The following NIN variants were observed in gnomAD, a reference collection of about 807,000 sequenced individuals.
NIN encodes glycogen synthase kinase 3 beta-interacting protein.
A neutral mutation model predicts 257.6 loss-of-function variants in NIN; 137 were observed. The observed-to-expected ratio is 0.53, with a 90% CI of 0.46 to 0.61. NIN has a LOEUF of 0.61. NIN is among the 20% of genes least tolerant of loss of function. The pLI is 0.00. For synonymous variants in NIN, 918 were observed against 919.8 expected, an observed-to-expected ratio of 1.00 and a Z score of 0.04; for missense variants, 2,439 against 2,501.2, an observed-to-expected ratio of 0.98 and a Z score of 0.53.
intron 16 of NIN, among the ~76,000 whole-genome samples, chr14:50,760,998 TATTA>T (rs1395106354): frequency 6.6e-6 from 1 of 152,116 alleles, no homozygotes; most frequent in Non-Finnish European, 1.5e-5. Context: ...TAAATTCAAA[TATTA>T]ATTGAACACC....
Position 50,760,105 on chromosome 14 carries a change from C to T in NIN, c.2151G>A (p.Glu717=), listed in dbSNP as rs754794799. The change falls in exon 17 of 31, where the codon GAG becomes GAA. Residue 717 remains glutamate, a synonymous_variant. Coordinates refer to ENST00000530997, the MANE Select transcript of NIN (RefSeq NM_020921.4). ...CCATCTCATGTTGCAGCCTCAGCTT[C>T]TCCTGCAGGTGAGTCTTTTCCTCCT... The part of the protein sequence containing the change: ...KLEEEKTHLQ[E]KLRLQHEMEL... 2 of 1,614,216 alleles carry T rather than the reference C, an allele frequency of 1.2e-6. No individual in the cohort carries two copies. The highest frequency in any genetic ancestry group is 2.2e-5 in the South Asian group (2 of 91,086).
chr14:50,727,594 TCTTAG>T, intron 29 of NIN: 1 of 1,400,256 alleles, frequency 7.1e-7, no homozygotes, highest in African/African-American at 1.4e-5. Context: ...TTCCAACATA[TCTTAG>T]CTTATGTCTC....
Position 50,792,706 on chromosome 14 carries a change from C to G in NIN, c.435+6G>C. 6.2e-7 allele frequency: 1 copy of G among 1,614,140 alleles called. No individual in the cohort carries two copies. The highest frequency in any genetic ancestry group is 8.5e-7 in the Non-Finnish European group (1 of 1,180,010). The stretch of plus-strand genomic sequence containing the variant: ...TCCAGATGAACGTGCATGCCCGATT[C>G]CTTACCTCACTGCAGTCACCGGCTG... On this transcript the variant is annotated splice_donor_region_variant and intron_variant, in intron 5 of 30. Transcript: ENST00000530997.
intron 7 of NIN, among the ~76,000 whole-genome samples, chr14:50,773,956 C>A (rs943459543): frequency 6.6e-6 from 1 of 152,202 alleles, no homozygotes; most frequent in Non-Finnish European, 1.5e-5. Context: ...GCAAAGCCCT[C>A]CCACTAGCAG....
At chr14:50,826,950 G>C (rs1240622615) in intron 2 of NIN, among the ~76,000 whole-genome samples, 1 of 152,174 alleles carries the variant, frequency 6.6e-6, no homozygotes, top group African/African-American at 2.4e-5. Context: ...AGACTAGGCA[G>C]TGACCACCAG....
At chr14:50,780,027 G>C in intron 5 of NIN, among the ~76,000 whole-genome samples, 1 of 152,186 alleles carries the variant, frequency 6.6e-6, no homozygotes, top group East Asian at 1.9e-4. Context: ...TTTGTGTACT[G>C]CATAAAAGTG....
intron 29 of NIN, among the ~76,000 whole-genome samples, chr14:50,728,709 A>T (rs1365602469): frequency 6.6e-6 from 1 of 152,260 alleles, no homozygotes; most frequent in Admixed American, 6.5e-5. Flanking sequence ...CTAAATAGGC[A>T]AGCTGCAAGA....
At position 50,743,510 on chromosome 14, in the gene NIN, A is replaced by G. The variant is rs2041389204; in HGVS notation, c.5207T>C (p.Leu1736Ser). The G allele has an allele frequency of 6.2e-7, 1 of 1,613,108 alleles. No homozygotes were observed. Among genetic ancestry groups the G allele is most frequent in the African/African-American group, 1.3e-5 (1 of 75,032 alleles). Residue 1736 changes from leucine to serine, a missense_variant, in exon 24 of 31, where the codon TTA becomes TCA. Leu to Ser is a moderately radical substitution (Grantham distance 145, BLOSUM62 -2). Transcript: ENST00000530997. ...CTTCATCGTCGCAATTCTATGCTCT[A>G]AAAGACTTGATTTTGCCAACTGTTT... ...CVDKLAKSSL[L>S]EHRIATMKQE...
chr14:50,729,670 A>C lies in NIN; in HGVS notation c.5931T>G (p.Asp1977Glu). 6.2e-7 allele frequency: 1 copy of C among 1,613,636 alleles called. No homozygotes were observed. The highest frequency in any genetic ancestry group is 8.5e-7 in the Non-Finnish European group (1 of 1,179,840). Reference sequence around the variant, plus strand: ...AGGCTTGCTGCTGGAGCAGCTGCAAATCCCAAGCATGAGGGGACGGGCTAG... The same window carrying C: ...AGGCTTGCTGCTGGAGCAGCTGCAACTCCCAAGCATGAGGGGACGGGCTAG... ...ATPSPSPHAW[D>E]LQLLQQQACP... is the part of the protein sequence containing the mutation. The change falls in exon 29 of 31, where the codon GAT becomes GAG. Residue 1977 changes from aspartate (D) to glutamate (E), a missense_variant. Asp to Glu is a conservative substitution (Grantham distance 45, BLOSUM62 2). Coordinates refer to ENST00000530997, the MANE Select transcript of NIN (RefSeq NM_020921.4).
intron 4 of NIN, among the ~76,000 whole-genome samples, chr14:50,795,023 A>G (rs1177271100): frequency 2.0e-5 from 3 of 152,222 alleles, no homozygotes; most frequent in Non-Finnish European, 4.4e-5. Flanking sequence ...GCCAGGCATT[A>G]AATTGTTTAT....
At position 50,764,228 on chromosome 14, in the gene NIN, T is replaced by C. The variant is rs376702717; in HGVS notation, c.1636-264A>G. Among the ~76,000 whole-genome samples, 120 of 152,316 alleles carry C rather than the reference T, an allele frequency of 7.9e-4. No individual in the cohort carries two copies. In the South Asian group the frequency reaches 0.023, roughly 29 times the overall value. ...AATTGATATTTCTCTAATGATGATA[T>C]ACAGATGACTAATACATACATGTAA... On this transcript the variant is annotated intron_variant, in intron 14 of 30. Coordinates refer to ENST00000530997, the MANE Select transcript of NIN (RefSeq NM_020921.4).
At chr14:50,766,668 G>C in intron 13 of NIN, 112 bp downstream of exon 13, 2 of 733,960 alleles carry the variant, frequency 2.7e-6, no homozygotes, top group Non-Finnish European at 2.3e-6. Flanking sequence ...GCACCATTTA[G>C]CTACCCCAGT....
chr14:50,826,805 G>C (rs1000994657), intron 2 of NIN, among the ~76,000 whole-genome samples: 1 of 152,106 alleles, frequency 6.6e-6, no homozygotes, highest in Admixed American at 6.5e-5. Flanking sequence ...CTTTTATTTC[G>C]CATCCAGATG....
At chr14:50,747,918 G>T in intron 22 of NIN, 74 bp downstream of exon 22, 1 of 987,838 alleles carries the variant, frequency 1.0e-6, no homozygotes, top group Non-Finnish European at 1.6e-6. Context: ...CTGGTGGTTA[G>T]AAATACCAGC....
intron 5 of NIN, among the ~76,000 whole-genome samples, chr14:50,781,250 A>C (rs1280006788): frequency 1.3e-5 from 2 of 152,110 alleles, no homozygotes; most frequent in African/African-American, 2.4e-5. Flanking sequence ...AACCTACCAA[A>C]TCTCAAGCAG....
intron 5 of NIN, among the ~76,000 whole-genome samples, chr14:50,787,870 T>C (rs1020140341): frequency 1.3e-5 from 2 of 152,210 alleles, no homozygotes; most frequent in Admixed American, 1.3e-4. Context: ...GTAGCTTTAT[T>C]GCCTTGTAAT....
rs749761061 is a variant in NIN, at chr14:50,757,272, T to C, written c.3758A>G (p.Glu1253Gly). The change falls in exon 18 of 31, where the codon GAA (glutamate) becomes GGA (glycine). Residue 1253 changes from glutamate (E) to glycine (G), a missense_variant. Around this residue, in one of 3 missense-constraint regions of NIN, gnomAD observed 2,043 missense variants for 2,050.2 expected, o/e 1.00. Transcript: ENST00000530997. ...GCAGTCATTTTCTCGGCTCACATCT[T>C]CATACAACAGCTTATATTTGGGAGA... ...EASPKYKLLYEDVSRENDCLQ... is the reference protein window; with the variant it reads ...EASPKYKLLYGDVSRENDCLQ... The C allele has an allele frequency of 6.2e-7, 1 of 1,614,176 alleles. No individual in the cohort carries two copies. The highest frequency in any genetic ancestry group is 8.5e-7 in the Non-Finnish European group (1 of 1,180,030).
At chr14:50,759,496 C>CTTT (rs35589008) in intron 17 of NIN, among the ~76,000 whole-genome samples, 1 of 142,352 alleles carries the variant, frequency 7.0e-6, no homozygotes, top group Non-Finnish European at 1.5e-5. Flanking sequence ...GCGACTGGCA[C>CTTT]TTTTTTTTTT....
intron 3 of NIN, among the ~76,000 whole-genome samples, chr14:50,819,471 G>A (rs541383964): frequency 2.0e-5 from 3 of 152,236 alleles, no homozygotes; most frequent in South Asian, 4.1e-4. Flanking sequence ...CCTTTTGCTC[G>A]GCTTTCATTC....
Sources: allele counts gnomAD v4.1 joint callset (sites outside exome capture counted in the v4.1 genomes callset), GRCh38; gene constraint gnomAD v4.1.1; regional missense constraint gnomAD v4.1.1; transcripts MANE v1.5; gene names NCBI Gene and HGNC (gene_info 2026-07-23, HGNC 2026-07-21).